Variants in TMCC3 observed in about 807,000 individuals in gnomAD.
TMCC3 encodes transmembrane and coiled-coil domain family 3, also known as transmembrane and coiled-coil domain protein 3.
In TMCC3, 28 loss-of-function variants were observed where a neutral mutation model predicts 40.2. That is an observed-to-expected ratio of 0.70 (90% CI 0.52 to 0.95). TMCC3 has a LOEUF of 0.95. Among genes scored for constraint, TMCC3 ranks in the 40% least tolerant of loss-of-function variants. The pLI, the probability that TMCC3 is intolerant of heterozygous loss-of-function variation, is 0.00. For synonymous variants in TMCC3, 255 were observed against 248.5 expected (o/e 1.03, Z -0.25); for missense variants, 554 against 615.2 (o/e 0.90, Z 1.05).
At chr12:94,641,857 T>C (rs1258266147) in intron 1 of TMCC3, among the ~76,000 whole-genome samples, 1 of 151,894 alleles carries the variant, frequency 6.6e-6, no homozygotes, top group Admixed American at 6.6e-5. Flanking sequence ...ATGGATGAAC[T>C]CTTCATTTTG....
chr12:94,586,711 C>A (rs2068640416), intron 1 of TMCC3, among the ~76,000 whole-genome samples: 1 of 152,236 alleles, frequency 6.6e-6, no homozygotes. Context: ...AGTCTCAAGG[C>A]AAAGCCTCAT....
intron 1 of TMCC3, among the ~76,000 whole-genome samples, chr12:94,638,788 G>C (rs2068974160): frequency 6.6e-6 from 1 of 152,238 alleles, no homozygotes; most frequent in African/African-American, 2.4e-5. Flanking sequence ...CAAAGACAGA[G>C]AAAAGGGACT....
chr12:94,615,298 C>T (rs2068841555), intron 1 of TMCC3, among the ~76,000 whole-genome samples: 1 of 152,140 alleles, frequency 6.6e-6, no homozygotes, highest in East Asian at 1.9e-4. Context: ...GGAATGAATC[C>T]CACACTATGG....
At chr12:94,633,329 C>T (rs2068943232) in intron 1 of TMCC3, among the ~76,000 whole-genome samples, 1 of 152,088 alleles carries the variant, frequency 6.6e-6, no homozygotes, top group Non-Finnish European at 1.5e-5. Flanking sequence ...ATCTAGATAG[C>T]TGTTTATGGG....
chr12:94,644,673 C>G (rs1199612812), intron 1 of TMCC3, among the ~76,000 whole-genome samples: 3 of 152,186 alleles, frequency 2.0e-5, no homozygotes, highest in Non-Finnish European at 2.9e-5. Flanking sequence ...TAGAACAAAA[C>G]AAATCACCGG....
intron 1 of TMCC3, among the ~76,000 whole-genome samples, chr12:94,604,622 T>C (rs1314999175): frequency 7.4e-6 from 1 of 134,484 alleles, no homozygotes; most frequent in African/African-American, 2.8e-5. Context: ...TAGGGCACAA[T>C]AGTGAGACCC....
intron 1 of TMCC3, 129 bp downstream of exon 1, chr12:94,650,224 G>C: frequency 2.2e-6 from 1 of 447,890 alleles, no homozygotes; most frequent in Non-Finnish European, 3.3e-6. Flanking sequence ...GGGAGGCACG[G>C]ACCTCCGGCG....
At chr12:94,603,353 G>A (rs1156807902) in intron 1 of TMCC3, among the ~76,000 whole-genome samples, 3 of 152,128 alleles carry the variant, frequency 2.0e-5, no homozygotes, top group Admixed American at 2.0e-4. Flanking sequence ...CTGGCCTCAT[G>A]TGATCTGCCT....
chr12:94,578,360 C>T, intron 3 of TMCC3, 34 bp downstream of exon 3: 2 of 1,607,628 alleles, frequency 1.2e-6, no homozygotes, highest in Non-Finnish European at 1.7e-6. Flanking sequence ...CGGGAAGAGC[C>T]CAGGCCTGTG....
intron 1 of TMCC3, among the ~76,000 whole-genome samples, chr12:94,614,827 G>A (rs1398011201): frequency 6.7e-6 from 1 of 149,508 alleles, no homozygotes; most frequent in East Asian, 2.0e-4. Context: ...GTGCAGTGGC[G>A]CGATCTCAGC....
At chr12:94,596,513 G>A (rs767391231) in intron 1 of TMCC3, among the ~76,000 whole-genome samples, 8 of 151,960 alleles carry the variant, frequency 5.3e-5, no homozygotes, top group African/African-American at 7.3e-5. Context: ...CCACCCCCAC[G>A]CCCAGCTAGG....
intron 1 of TMCC3, among the ~76,000 whole-genome samples, chr12:94,611,563 C>A (rs769030636): frequency 3.9e-5 from 6 of 152,042 alleles, no homozygotes; most frequent in Non-Finnish European, 5.9e-5. Flanking sequence ...ATACAGTTGT[C>A]CCTTGGAATC....
At chr12:94,595,780 G>A (rs767378281) in intron 1 of TMCC3, among the ~76,000 whole-genome samples, 4 of 151,960 alleles carry the variant, frequency 2.6e-5, no homozygotes, top group Non-Finnish European at 5.9e-5. Context: ...TCTAATATAT[G>A]CCAGCAGTAT....
intron 1 of TMCC3, among the ~76,000 whole-genome samples, chr12:94,627,562 T>C (rs1193879601): frequency 6.6e-6 from 1 of 152,130 alleles, no homozygotes; most frequent in East Asian, 1.9e-4. Context: ...CTGCTCACAC[T>C]GCCCCAGCCA....
chr12:94,578,146 C>CAAAAAAAAAAA (rs1183420863), intron 3 of TMCC3, among the ~76,000 whole-genome samples: 34 of 34,772 alleles, frequency 9.8e-4, no homozygotes, highest in Non-Finnish European at 1.2e-3. Context: ...AGACTCACCT[C>CAAAAAAAAAAA]AAAAAAAAAA....
chr12:94,642,649 T>C (rs965804748), intron 1 of TMCC3, among the ~76,000 whole-genome samples: 3 of 152,234 alleles, frequency 2.0e-5, no homozygotes, highest in Admixed American at 6.5e-5. Context: ...CTCAAAGTGT[T>C]GGAAATCACA....
intron 1 of TMCC3, among the ~76,000 whole-genome samples, chr12:94,597,120 A>AATATATATATATATATATATATATATAT (rs768080145): frequency 1.8e-4 from 1 of 5,488 alleles, no homozygotes; most frequent in African/African-American, 4.5e-4. Context: ...TCTCTATTAA[A>AATATATATATATATATATATATATATAT]ATACATATAT....
rs529112886 is a variant in TMCC3, at chr12:94,609,041, C to T, written c.79-26503G>A. 2.0e-4 allele frequency among the ~76,000 whole-genome samples: 30 copies of T among 151,994 alleles called. No homozygotes were observed. The South Asian group carries it at 6.0e-3, about 31-fold the overall frequency. ...CAGCCTGGACAACTAAGCAAGACGA[C>T]CCCTGATGCCCTCCAGTCTCTACAA... On this transcript the variant is annotated intron_variant, in intron 1 of 3. Transcript: ENST00000261226.
chr12:94,625,977 G>A (rs763959668), intron 1 of TMCC3, among the ~76,000 whole-genome samples: 1 of 152,176 alleles, frequency 6.6e-6, no homozygotes, highest in Non-Finnish European at 1.5e-5. Context: ...TACTACCCGA[G>A]ATTGGGTAAT....
Sources: allele counts gnomAD v4.1 joint callset (sites outside exome capture counted in the v4.1 genomes callset), GRCh38; gene constraint gnomAD v4.1.1; transcripts MANE v1.5; gene names NCBI Gene and HGNC (gene_info 2026-07-23, HGNC 2026-07-21).